The following CMSS1 variants were observed in gnomAD, a reference collection of about 807,000 sequenced individuals.
CMSS1 encodes the protein cms1 ribosomal small subunit homolog.
In CMSS1, 33 loss-of-function variants were observed where a neutral mutation model predicts 43.5. The observed-to-expected ratio is 0.76, with a 90% CI of 0.57 to 1.01. CMSS1 has a LOEUF of 1.01. Ranked by LOEUF, CMSS1 falls within the 50% of genes least tolerant of loss-of-function variation. The pLI is 0.00. For synonymous variants in CMSS1, 115 were observed against 117.2 expected, an observed-to-expected ratio of 0.98 and a Z score of 0.12; for missense variants, 313 against 326.4, an observed-to-expected ratio of 0.96 and a Z score of 0.32.
At chr3:100,168,095 A>G (rs2067079780) in intron 6 of CMSS1, among the ~76,000 whole-genome samples, 1 of 152,228 alleles carries the variant, frequency 6.6e-6, no homozygotes. Flanking sequence ...CTACTTTTAA[A>G]AGGGTGGTCA....
rs535007652 is a variant in CMSS1, at chr3:99,979,881, TAAAAG to T, written c.64+161840_64+161844del. Among the ~76,000 whole-genome samples, 725 of 152,248 alleles carry T rather than the reference TAAAAG, an allele frequency of 4.8e-3. 3 individuals carry two copies. The highest frequency in any genetic ancestry group is 7.3e-3 in the South Asian group (35 of 4,820). On this transcript the variant is annotated intron_variant, in intron 1 of 9. Transcript: ENST00000421999. Reference sequence around the variant, plus strand: ...TGAAGTTGAATTTTGTGTATTGTCTTAAAAGAGAGAGAGCGGGACAAAGTGCTGTG... The same window carrying T: ...TGAAGTTGAATTTTGTGTATTGTCTTAGAGAGAGCGGGACAAAGTGCTGTG...
chr3:100,162,390 AGCAGACGCTTG>A lies in CMSS1; in HGVS notation c.315_325del (p.Arg106AspfsTer2). ...GAAGCTGATGAAGGACTATTATAGCAGCAGACGCTTGGTGATTGAATTAGAAGAACTGAACC... is the reference window on the plus strand; with the variant it reads ...GAAGCTGATGAAGGACTATTATAGCAGTGATTGAATTAGAAGAACTGAACC... On this transcript the variant is annotated frameshift_variant, in exon 4 of 10. Transcript: ENST00000421999. LOFTEE classifies it high-confidence loss of function. 6.2e-7 allele frequency: 1 copy of A among 1,613,474 alleles called. No homozygotes were observed. Among genetic ancestry groups the A allele is most frequent in the South Asian group, 1.1e-5 (1 of 91,022 alleles).
chr3:99,924,332 C>T lies in CMSS1; in HGVS notation c.64+106289C>T, dbSNP rs793440. On this transcript the variant is annotated intron_variant, in intron 1 of 9. Transcript: ENST00000421999. The stretch of plus-strand genomic sequence containing the variant: ...CTCCAACTCCAATATGGTTTGCCTA[C>T]GGGATTTTTCTGCCACTAAAAGCTG... The T allele has an allele frequency of 0.32, 519,788 of 1,613,234 alleles. 85,260 individuals carry two copies. Among genetic ancestry groups the T allele is most frequent in the Admixed American group, 0.36 (21,772 of 59,932 alleles).
At chr3:100,131,405 A>G (rs987828223) in intron 1 of CMSS1, among the ~76,000 whole-genome samples, 6 of 152,176 alleles carry the variant, frequency 3.9e-5, no homozygotes, top group African/African-American at 1.4e-4. Context: ...TCCCTATCTC[A>G]TTTCAACAAC....
intron 1 of CMSS1, among the ~76,000 whole-genome samples, chr3:100,044,418 G>A (rs888400068): frequency 1.3e-5 from 2 of 152,180 alleles, no homozygotes; most frequent in African/African-American, 2.4e-5. Flanking sequence ...TGAAACAATA[G>A]GTAAGCTGAG....
At chr3:99,922,520 A>G (rs559230969) in intron 1 of CMSS1, among the ~76,000 whole-genome samples, 7 of 152,330 alleles carry the variant, frequency 4.6e-5, no homozygotes, top group Non-Finnish European at 8.8e-5. Context: ...GGCACTCCGA[A>G]AAAATGCCTA....
intron 1 of CMSS1, chr3:100,141,684 G>A (rs760293007): frequency 3.2e-5 from 13 of 403,420 alleles, no homozygotes; most frequent in East Asian, 1.5e-4. Flanking sequence ...TTCATTTGCT[G>A]TTGTTGCCAG....
intron 1 of CMSS1, among the ~76,000 whole-genome samples, chr3:99,966,961 G>A (rs1287483147): frequency 6.6e-6 from 1 of 152,138 alleles, no homozygotes; most frequent in Non-Finnish European, 1.5e-5. Context: ...TGCCCCACAT[G>A]CTATACAGGT....
chr3:99,984,111 A>G (rs901040454), intron 1 of CMSS1, among the ~76,000 whole-genome samples: 8 of 137,294 alleles, frequency 5.8e-5, no homozygotes, highest in Non-Finnish European at 9.5e-5. Context: ...TCAGGTGCTC[A>G]GGTATGAAAT....
intron 1 of CMSS1, among the ~76,000 whole-genome samples, chr3:99,861,057 CTTTT>C (rs918429664): frequency 6.6e-6 from 1 of 152,098 alleles, no homozygotes; most frequent in African/African-American, 2.4e-5. Flanking sequence ...TCTCACTTTT[CTTTT>C]TGTTTTCCTC....
chr3:99,836,555 G>T (rs540627189), intron 1 of CMSS1, among the ~76,000 whole-genome samples: 164 of 152,230 alleles, frequency 1.1e-3, no homozygotes, highest in African/African-American at 3.8e-3. Context: ...CCACTCAACT[G>T]CCGCTCTTTT....
chr3:99,970,886 GA>G (rs1708793841), intron 1 of CMSS1, among the ~76,000 whole-genome samples: 1 of 152,202 alleles, frequency 6.6e-6, no homozygotes, highest in Non-Finnish European at 1.5e-5. Context: ...CAATTAAAGG[GA>G]AAAAGACTAG....
chr3:99,979,709 A>G (rs1352636931), intron 1 of CMSS1, among the ~76,000 whole-genome samples: 1 of 152,186 alleles, frequency 6.6e-6, no homozygotes, highest in Non-Finnish European at 1.5e-5. Context: ...TTATTTTTAC[A>G]CCAACATTTA....
chr3:99,960,942 A>G (rs1217442617), intron 1 of CMSS1, among the ~76,000 whole-genome samples: 1 of 152,212 alleles, frequency 6.6e-6, no homozygotes, highest in African/African-American at 2.4e-5. Context: ...TATTTTTAAA[A>G]GTAACCATAT....
At chr3:99,939,021 T>G (rs1447254525) in intron 1 of CMSS1, among the ~76,000 whole-genome samples, 2 of 152,216 alleles carry the variant, frequency 1.3e-5, no homozygotes, top group East Asian at 3.8e-4. Context: ...ATTTTCTTAG[T>G]GATATTTTTC....
chr3:100,172,119 G>A, intron 7 of CMSS1, 197 bp from the exon 8 acceptor site: 1 of 638,514 alleles, frequency 1.6e-6, no homozygotes, highest in Non-Finnish European at 2.7e-6. Flanking sequence ...TAGAACCTGA[G>A]GCTTGACCCT....
chr3:99,985,558 C>T (rs1437586398), intron 1 of CMSS1, among the ~76,000 whole-genome samples: 6 of 151,936 alleles, frequency 3.9e-5, no homozygotes, highest in African/African-American at 1.5e-4. Flanking sequence ...TATTTCTCTT[C>T]AATCTTGTGA....
Position 100,042,439 on chromosome 3 carries a change from T to G in CMSS1, c.65-104534T>G, listed in dbSNP as rs78192205. Among the ~76,000 whole-genome samples, 687 of 152,316 alleles carry G rather than the reference T, an allele frequency of 4.5e-3. 7 individuals are homozygous for G. The highest frequency in any genetic ancestry group is 0.016 in the African/African-American group (673 of 41,562). ...TGTGAGCACCATCATGTAATAAAAT[T>G]CTCTAAACTGTGATTCACGGTGCTA... is the stretch of plus-strand genomic sequence containing the variant. On this transcript the variant is annotated intron_variant, in intron 1 of 9. Coordinates refer to ENST00000421999, the MANE Select transcript of CMSS1 (RefSeq NM_032359.4).
rs1191056230 is a variant in CMSS1, at chr3:100,120,387, A to G, written c.65-26586A>G. On this transcript the variant is annotated intron_variant, in intron 1 of 9. Coordinates refer to ENST00000421999, the MANE Select transcript of CMSS1 (RefSeq NM_032359.4). ...AAGAGAGGGAAGGGATAATTCTAGC[A>G]ACATCTCAGATTGGACCAGTGTCTT... Among the ~76,000 whole-genome samples, 5 of 152,326 alleles carry G rather than the reference A, an allele frequency of 3.3e-5. No individual in the cohort carries two copies. The South Asian group carries it at 1.0e-3, about 32-fold the overall frequency.
Sources: allele counts gnomAD v4.1 joint callset (sites outside exome capture counted in the v4.1 genomes callset), GRCh38; gene constraint gnomAD v4.1.1; transcripts MANE v1.5; gene names NCBI Gene and HGNC (gene_info 2026-07-23, HGNC 2026-07-21).